The following NOVA2 variants were observed in gnomAD, a reference collection of about 807,000 sequenced individuals.
NOVA2 encodes RNA-binding protein Nova-2.
NOVA2 carries 9 observed loss-of-function variants against 22.5 expected under a neutral mutation model. The observed-to-expected ratio is 0.40, with a 90% CI of 0.24 to 0.70. NOVA2 has a LOEUF of 0.70. Ranked by LOEUF, NOVA2 falls within the 30% of genes least tolerant of loss-of-function variation. The probability of loss-of-function intolerance (pLI) is 0.38; values close to 1 mark genes in which losing one functional copy is unlikely to be tolerated. For synonymous variants in NOVA2, 318 were observed against 335.2 expected, an observed-to-expected ratio of 0.95 and a Z score of 0.56; for missense variants, 383 against 682.8, an observed-to-expected ratio of 0.56 and a Z score of 4.89.
intron 1 of NOVA2, among the ~76,000 whole-genome samples, chr19:45,961,672 T>A (rs1333575492): frequency 6.6e-6 from 1 of 152,134 alleles, no homozygotes; most frequent in Non-Finnish European, 1.5e-5. Flanking sequence ...ACTTTCCAAA[T>A]ACCAGTCCTT....
At chr19:45,964,348 TTGTGTGTGTGTG>T (rs57818599) in intron 1 of NOVA2, among the ~76,000 whole-genome samples, 6,604 of 119,530 alleles carry the variant, frequency 0.055, 193 homozygotes, top group Middle Eastern at 0.096. Flanking sequence ...CCCGGCTAAT[TTGTGTGTGTGTG>T]TGTGTGTGTG....
At chr19:45,968,290 G>A (rs1057089158) in intron 1 of NOVA2, among the ~76,000 whole-genome samples, 4 of 152,014 alleles carry the variant, frequency 2.6e-5, no homozygotes, top group Non-Finnish European at 5.9e-5. Flanking sequence ...TGTTGTCATC[G>A]GGAGCCTGTG....
rs1968258758 is a variant in NOVA2, at chr19:45,973,310, T to C, written c.42A>G (p.Glu14=). Residue 14 remains glutamate, a synonymous_variant, in exon 1 of 4, where the codon GAA becomes GAG. Transcript: ENST00000263257. ...EAPDSRKRPL[E]TPPEVVCTKR... ...TGGTGCAGACCACCTCGGGGGGCGT[T>C]TCGAGGGGCCTCTTGCGGGAATCCG... The C allele has an allele frequency of 7.6e-7, 1 of 1,317,210 alleles. No homozygotes were observed. The highest frequency in any genetic ancestry group is 9.7e-7 in the Non-Finnish European group (1 of 1,027,070). 81.6% of individuals were successfully genotyped at this position (1,317,210 alleles called of 1,614,324 possible). A position where few individuals can be genotyped will look rare whatever the true frequency, so the allele number is the denominator to read the frequency against.
In NOVA2 at chr19:45,973,403, CGGCGGCGGCTGCTGT is replaced by C. The variant is rs1337446228; in HGVS notation, c.-67_-53del. 2.2e-6 allele frequency: 1 copy of C among 454,552 alleles called. No individual in the cohort carries two copies. The highest frequency in any genetic ancestry group is 3.1e-6 in the Non-Finnish European group (1 of 323,590). The allele number at this position is 454,552 out of a possible 1,614,324, so 28.2% of individuals were successfully genotyped here. On this transcript the variant is annotated 5_prime_UTR_variant, in exon 1 of 4. Coordinates refer to ENST00000263257, the MANE Select transcript of NOVA2 (RefSeq NM_002516.4). ...GCTGCTGCGGCGGCTGCGGCGGCGG[CGGCGGCGGCTGCTGT>C]GGCGGCGGCGACGGCTGCTGGGGAG...
At chr19:45,957,312 G>A (rs1319714820) in intron 2 of NOVA2, among the ~76,000 whole-genome samples, 4 of 152,170 alleles carry the variant, frequency 2.6e-5, no homozygotes, top group Non-Finnish European at 5.9e-5. Flanking sequence ...GCCGAGGCGG[G>A]TGGATCACCT....
Position 45,961,131 on chromosome 19 carries a change from C to T in NOVA2, c.108G>A (p.Lys36=). ...NTGEEGEYFL[K]VLIPSYAAGS... ...CCGCCGCGTAGCTGGGGATCAGCAC[C>T]TTCAGGAAGTATTCGCCTTCCTCTG... The change falls in exon 2 of 4, where the codon AAG becomes AAA. Residue 36 remains lysine, a synonymous_variant. Transcript: ENST00000263257. The T allele has an allele frequency of 6.2e-7, 1 of 1,601,142 alleles. No homozygotes were observed. Among genetic ancestry groups the T allele is most frequent in the Middle Eastern group, 1.7e-4 (1 of 6,046 alleles).
At chr19:45,943,286 C>G (rs1176461913) in intron 3 of NOVA2, among the ~76,000 whole-genome samples, 1 of 151,320 alleles carries the variant, frequency 6.6e-6, no homozygotes, top group Non-Finnish European at 1.5e-5. Flanking sequence ...GAACTCCTGG[C>G]CTCAAGTGAT....
At chr19:45,961,300 A>G in intron 1 of NOVA2, 147 bp from the exon 2 acceptor site, 1 of 606,012 alleles carries the variant, frequency 1.7e-6, no homozygotes, top group South Asian at 2.0e-5. Flanking sequence ...CATTCAACAA[A>G]TAGTTATTGA....
chr19:45,954,535 G>A (rs190013111), intron 2 of NOVA2, among the ~76,000 whole-genome samples: 164 of 151,980 alleles, frequency 1.1e-3, no homozygotes, highest in African/African-American at 3.8e-3. Context: ...GCAGAGGAGA[G>A]GCCTGAGTGC....
At chr19:45,957,829 G>A (rs913552917) in intron 2 of NOVA2, among the ~76,000 whole-genome samples, 10 of 151,954 alleles carry the variant, frequency 6.6e-5, no homozygotes, top group Non-Finnish European at 1.5e-4. Flanking sequence ...TAGGGTGGCC[G>A]GTCGCGGTGG....
chr19:45,958,353 C>CTG (rs572028267), intron 2 of NOVA2, among the ~76,000 whole-genome samples: 5,166 of 145,928 alleles, frequency 0.035, 113 homozygotes, highest in African/African-American at 0.039. Context: ...CACCCAAGTG[C>CTG]TGTGTGTGTG....
chr19:45,952,573 T>C (rs1214366254), intron 3 of NOVA2, among the ~76,000 whole-genome samples: 2 of 152,234 alleles, frequency 1.3e-5, no homozygotes, highest in African/African-American at 4.8e-5. Flanking sequence ...CCCATTTTCC[T>C]TGCAACATTC....
intron 3 of NOVA2, among the ~76,000 whole-genome samples, chr19:45,948,099 G>A (rs1398459048): frequency 6.6e-6 from 1 of 152,118 alleles, no homozygotes; most frequent in African/African-American, 2.4e-5. Context: ...ACAAGTAGCT[G>A]GAACTGAGAG....
intron 3 of NOVA2, among the ~76,000 whole-genome samples, chr19:45,953,214 T>A (rs1268793114): frequency 6.6e-6 from 1 of 152,206 alleles, no homozygotes; most frequent in African/African-American, 2.4e-5. Flanking sequence ...CCTATGCCAC[T>A]GCTTCCCCGT....
At chr19:45,952,524 G>C (rs549688179) in intron 3 of NOVA2, among the ~76,000 whole-genome samples, 3 of 152,298 alleles carry the variant, frequency 2.0e-5, no homozygotes, top group South Asian at 4.2e-4. Flanking sequence ...TGTGGATTAG[G>C]GGGAGGGGGT....
intron 2 of NOVA2, among the ~76,000 whole-genome samples, chr19:45,958,991 T>A (rs1206243761): frequency 2.6e-5 from 4 of 152,182 alleles, no homozygotes; most frequent in Admixed American, 2.6e-4. Context: ...TGACGTCTGC[T>A]TCCCTGACTG....
rs1456680142 is a variant in NOVA2, at chr19:45,940,310, C to G, written c.1032G>C (p.Pro344=). The change falls in exon 4 of 4, where the codon CCG becomes CCC. Residue 344 remains proline, a synonymous_variant. Transcript: ENST00000263257. ...AGAGPAGGAA[P]PPPPPPGALG... ...GGGCTCCGGGAGGCGGGGGCGGCGG[C>G]GGGGCGGCCCCTCCGGCTGGCCCGG... is the stretch of plus-strand genomic sequence containing the variant. 5.3e-6 allele frequency: 6 copies of G among 1,141,256 alleles called. No homozygotes were observed. In the East Asian group the frequency reaches 2.8e-4, roughly 53 times the overall value. 70.7% of individuals were successfully genotyped at this position (1,141,256 alleles called of 1,614,324 possible).
Position 45,940,962 on chromosome 19 carries a change from A to G in NOVA2, c.397-17T>C. On this transcript the variant is annotated splice_polypyrimidine_tract_variant and intron_variant, in intron 3 of 3. Transcript: ENST00000263257. ...CAGCTTGGCCTGCGTGGGGAGCAAA[A>G]GGGAGGGTCTTTAATTTTATTTTTT... is the stretch of plus-strand genomic sequence containing the variant. 1 of 1,581,866 alleles carries G rather than the reference A, an allele frequency of 6.3e-7. No homozygotes were observed. The highest frequency in any genetic ancestry group is 1.1e-5 in the South Asian group (1 of 87,214).
In NOVA2 at chr19:45,961,001, G is replaced by T; in HGVS notation, c.229+9C>A. The T allele has an allele frequency of 6.4e-7, 1 of 1,569,060 alleles. No homozygotes were observed. Among genetic ancestry groups the T allele is most frequent in the Non-Finnish European group, 8.6e-7 (1 of 1,156,660 alleles). ...GGGGCCTAGGGCAGAGACCTGGGCC[G>T]GGGCTCACCGGGGTAGAAGTCTTTG... On this transcript the variant is annotated intron_variant, in intron 2 of 3. Transcript: ENST00000263257.
Sources: allele counts gnomAD v4.1 joint callset (sites outside exome capture counted in the v4.1 genomes callset), GRCh38; gene constraint gnomAD v4.1.1; transcripts MANE v1.5; gene names NCBI Gene and HGNC (gene_info 2026-07-23, HGNC 2026-07-21).